POLR2E: variants seen among roughly 807,000 people sequenced by gnomAD.
POLR2E encodes RNA polymerase II, I and III subunit E, also known as DNA-directed RNA polymerases I, II, and III subunit RPABC1.
Under a neutral mutation model 29.8 loss-of-function variants are expected in POLR2E, and 35 were observed. The observed-to-expected ratio is 1.17, with a 90% confidence interval of 0.90 to 1.55. The LOEUF (loss-of-function observed/expected upper bound fraction) is 1.55. Ranked by LOEUF, POLR2E falls within the 40% of genes most tolerant of loss-of-function variation. The pLI is 0.00. For missense variants in POLR2E, 287 were observed against 288.6 expected (o/e 0.99, Z 0.04); for synonymous variants, 174 against 112.6 (o/e 1.55, Z -3.45).
At chr19:1,093,663 T>A in intron 2 of POLR2E, 1 of 1,163,218 alleles carries the variant, frequency 8.6e-7, no homozygotes, top group Middle Eastern at 3.1e-4. Flanking sequence ...CCCTTGTGAC[T>A]CTCCTCGTTG....
Position 1,091,878 on chromosome 19 carries a change from T to G in POLR2E, c.262A>C (p.Lys88Gln). Residue 88 changes from lysine (K) to glutamine (Q), a missense_variant, in exon 3 of 8, where the codon AAG becomes CAG. Transcript: ENST00000615234. ...TCCTGCATGCGCTGGCAGTACACCT[T>G]GATGGTCTTGATGCCCACCTTGGGC... ...EEPKVGIKTIKVYCQRMQEEN... is the reference protein window; with the variant it reads ...EEPKVGIKTIQVYCQRMQEEN... 1 of 1,612,594 alleles carries G rather than the reference T, an allele frequency of 6.2e-7. No individual in the cohort carries two copies. The highest frequency in any genetic ancestry group is 8.5e-7 in the Non-Finnish European group (1 of 1,179,362).
chr19:1,087,489 G>C lies in POLR2E; in HGVS notation c.*1246C>G, dbSNP rs1361382743. The C allele has an allele frequency of 1.3e-5, 2 of 151,994 alleles. No individual in the cohort carries two copies. Among genetic ancestry groups the C allele is most frequent in the African/African-American group, 4.8e-5 (2 of 41,246 alleles). 9.4% of individuals were successfully genotyped at this position (151,994 alleles called of 1,614,324 possible). ...TTTCTCATCTTCCCAAACTAAAACT[G>C]TGCACATGACACACTCTGTCCCCTC... On this transcript the variant is annotated 3_prime_UTR_variant, in exon 8 of 8. Coordinates refer to ENST00000615234, the MANE Select transcript of POLR2E (RefSeq NM_002695.5).
In POLR2E at chr19:1,090,994, A is replaced by G. The variant is rs1241299508; in HGVS notation, c.349-6T>C. 2.5e-6 allele frequency: 4 copies of G among 1,613,424 alleles called. No individual in the cohort carries two copies. The highest frequency in any genetic ancestry group is 3.4e-6 in the Non-Finnish European group (4 of 1,179,856). The stretch of plus-strand genomic sequence containing the variant: ...GGGGCCATGTCGACCAGGGACTGGA[A>G]GAGAGCGGCTCTAAGGCACGGCCCG... On this transcript the variant is annotated splice_polypyrimidine_tract_variant and splice_region_variant and intron_variant, in intron 3 of 7. Coordinates refer to ENST00000615234, the MANE Select transcript of POLR2E (RefSeq NM_002695.5).
chr19:1,094,171 G>A, intron 1 of POLR2E, 93 bp from the exon 2 acceptor site: 1 of 1,207,502 alleles, frequency 8.3e-7, no homozygotes, highest in South Asian at 1.5e-5. Context: ...CTGCTGCAGA[G>A]GACAGAGGTG....
chr19:1,087,009 G>GAGAC lies in POLR2E; in HGVS notation c.*1722_*1725dup, dbSNP rs1646609425. 7.3e-6 allele frequency: 1 copy of GAGAC among 137,414 alleles called. No homozygotes were observed. The highest frequency in any genetic ancestry group is 2.7e-5 in the African/African-American group (1 of 37,576). 8.5% of individuals were successfully genotyped at this position (137,414 alleles called of 1,614,324 possible). Reference sequence around the variant, plus strand: ...TGGAACTGCATTTTTTTTTTTTTTTGAGACAGGGTGTGACCCTGTGGCCCA... The same window carrying GAGAC: ...TGGAACTGCATTTTTTTTTTTTTTTGAGACAGACAGGGTGTGACCCTGTGGCCCA... On this transcript the variant is annotated 3_prime_UTR_variant, in exon 8 of 8. Coordinates refer to ENST00000615234, the MANE Select transcript of POLR2E (RefSeq NM_002695.5).
At position 1,089,495 on chromosome 19, in the gene POLR2E, C is replaced by T. The variant is rs1425655330; in HGVS notation, c.624G>A (p.Leu208=). Residue 208 remains leucine, a synonymous_variant, in exon 7 of 8, where the codon CTG becomes CTA. Coordinates refer to ENST00000615234, the MANE Select transcript of POLR2E (RefSeq NM_002695.5). The part of the protein sequence containing the change: ...ETAGRYITYR[L]VQ ...ACCTGTCAGGCGGTAGCTACTGCACCAGCCGGTAGGTGATGTACCTGCCAG... is the reference window on the plus strand; with the variant it reads ...ACCTGTCAGGCGGTAGCTACTGCACTAGCCGGTAGGTGATGTACCTGCCAG... 2 of 1,613,354 alleles carry T rather than the reference C, an allele frequency of 1.2e-6. No homozygotes were observed. The highest frequency in any genetic ancestry group is 1.3e-5 in the African/African-American group (1 of 74,912).
rs771482454 is a variant in POLR2E at position 1,088,041 on chromosome 19, G to T, written c.*694C>A. ...CCAGGAGCACGAAGTGGGAGGGCAGGGCGAGGGCCTGGGGAGACACTGACC... is the reference window on the plus strand; with the variant it reads ...CCAGGAGCACGAAGTGGGAGGGCAGTGCGAGGGCCTGGGGAGACACTGACC... On this transcript the variant is annotated 3_prime_UTR_variant, in exon 8 of 8. Transcript: ENST00000615234. 1 of 151,626 alleles carries T rather than the reference G, an allele frequency of 6.6e-6. No individual in the cohort carries two copies. The highest frequency in any genetic ancestry group is 1.9e-4 in the East Asian group (1 of 5,308). 9.4% of individuals were successfully genotyped at this position (151,626 alleles called of 1,614,324 possible). A position where few individuals can be genotyped will look rare whatever the true frequency, so the allele number is the denominator to read the frequency against.
In POLR2E at chr19:1,087,914, A is replaced by C. The variant is rs1391860421; in HGVS notation, c.*821T>G. The stretch of plus-strand genomic sequence containing the variant: ...AACGGGGAAGTAGAGCCAGATCCCA[A>C]ACGTCTGTAAGAGGAACTGGCCGCA... On this transcript the variant is annotated 3_prime_UTR_variant, in exon 8 of 8. Coordinates refer to ENST00000615234, the MANE Select transcript of POLR2E (RefSeq NM_002695.5). 1 of 152,322 alleles carries C rather than the reference A, an allele frequency of 6.6e-6. No homozygotes were observed. Among genetic ancestry groups the C allele is most frequent in the Non-Finnish European group, 1.5e-5 (1 of 68,046 alleles). The allele number at this position is 152,322 out of a possible 1,614,324, so 9.4% of individuals were successfully genotyped here. A position where few individuals can be genotyped will look rare whatever the true frequency, so the allele number is the denominator to read the frequency against.
rs1599784394 is a variant in POLR2E, at chr19:1,086,767, GA to G, written c.*1967del. The G allele has an allele frequency of 2.0e-5, 3 of 151,866 alleles. No individual in the cohort carries two copies. The highest frequency in any genetic ancestry group is 4.1e-4 in the South Asian group (2 of 4,838). 9.4% of individuals were successfully genotyped at this position (151,866 alleles called of 1,614,324 possible). A position where few individuals can be genotyped will look rare whatever the true frequency, so the allele number is the denominator to read the frequency against. ...CTAGGGGAGGGATGTGTGAGGAAGGGAACCCCCCGCCACGGGGCCCCGCGAG... is the reference window on the plus strand; with the variant it reads ...CTAGGGGAGGGATGTGTGAGGAAGGGACCCCCCGCCACGGGGCCCCGCGAG... On this transcript the variant is annotated 3_prime_UTR_variant, in exon 8 of 8. Coordinates refer to ENST00000615234, the MANE Select transcript of POLR2E (RefSeq NM_002695.5).
chr19:1,094,299 C>A, intron 1 of POLR2E: 1 of 510,982 alleles, frequency 2.0e-6, no homozygotes, highest in Non-Finnish European at 3.4e-6. Context: ...GATGTCCAGC[C>A]TTGACCAAGA....
Position 1,092,851 on chromosome 19 carries a change from C to T in POLR2E, c.233-944G>A, listed in dbSNP as rs969905694. On this transcript the variant is annotated intron_variant, in intron 2 of 7. Coordinates refer to ENST00000615234, the MANE Select transcript of POLR2E (RefSeq NM_002695.5). ...AGCTGAGATTGCGCCACTGCACACT[C>T]CAGCCTGGGTGACAGAGGGAGACTC... 3.5e-5 allele frequency among the ~76,000 whole-genome samples: 5 copies of T among 143,652 alleles called. No individual in the cohort carries two copies. The Admixed American group carries it at 3.5e-4, about 10-fold the overall frequency. 94.2% of individuals were successfully genotyped at this position (143,652 alleles called of 152,430 possible).
At chr19:1,092,786 T>G (rs1599795763) in intron 2 of POLR2E, among the ~76,000 whole-genome samples, 1 of 137,768 alleles carries the variant, frequency 7.3e-6, no homozygotes, top group Non-Finnish European at 1.5e-5. Flanking sequence ...GAGGCTGAGG[T>G]GGAAGGATTG....
chr19:1,090,061 G>A (rs374961124), intron 5 of POLR2E, 26 bp downstream of exon 5: 40 of 1,606,682 alleles, frequency 2.5e-5, no homozygotes, highest in South Asian at 5.5e-5. Flanking sequence ...AGGGAGGGGC[G>A]GGGCCGGTGG....
In POLR2E at chr19:1,087,025, C is replaced by G. The variant is rs1291207531; in HGVS notation, c.*1710G>C. 6.6e-6 allele frequency: 1 copy of G among 151,320 alleles called. No individual in the cohort carries two copies. Among genetic ancestry groups the G allele is most frequent in the African/African-American group, 2.4e-5 (1 of 41,106 alleles). 9.4% of individuals were successfully genotyped at this position (151,320 alleles called of 1,614,324 possible). ...TTTTTTTTTGAGACAGGGTGTGACC[C>G]TGTGGCCCAGGCTGGAGTACAGGAG... On this transcript the variant is annotated 3_prime_UTR_variant, in exon 8 of 8. Transcript: ENST00000615234.
At chr19:1,091,527 C>A in intron 3 of POLR2E, 1 of 512,562 alleles carries the variant, frequency 2.0e-6, no homozygotes, top group Non-Finnish European at 3.6e-6. Flanking sequence ...GGGCTGGAGC[C>A]CACAGGAGCT....
intron 2 of POLR2E, among the ~76,000 whole-genome samples, 167 bp from the exon 3 acceptor site, chr19:1,092,074 G>C (rs898977922): frequency 6.6e-6 from 1 of 152,168 alleles, no homozygotes; most frequent in Non-Finnish European, 1.5e-5. Flanking sequence ...AGGATCCCAG[G>C]ACAGGGGAAG....
At chr19:1,089,420 C>T (rs55994602) in intron 7 of POLR2E, 52 bp downstream of exon 7, 44,197 of 1,233,424 alleles carry the variant, frequency 0.036, 1,359 homozygotes, top group East Asian at 0.16. Flanking sequence ...ACGGAGGGGA[C>T]GACACCCCTG....
chr19:1,089,446 C>G, intron 7 of POLR2E, 26 bp downstream of exon 7: 1 of 1,519,798 alleles, frequency 6.6e-7, no homozygotes, highest in Non-Finnish European at 9.1e-7. Flanking sequence ...GACCCCACCT[C>G]AGTGCCTGTC....
rs747622772 is a variant in POLR2E at position 1,094,067 on chromosome 19, G to C, written c.69C>G (p.Asp23Glu). 6.2e-7 allele frequency: 1 copy of C among 1,611,314 alleles called. No homozygotes were observed. Among genetic ancestry groups the C allele is most frequent in the East Asian group, 2.2e-5 (1 of 44,830 alleles). Residue 23 changes from aspartate to glutamate, a missense_variant, in exon 2 of 8, where the codon GAC becomes GAG. Coordinates refer to ENST00000615234, the MANE Select transcript of POLR2E (RefSeq NM_002695.5). ...CGTCCTGGGTCACCAGATAGCCACG[G>C]TCGTGGCACAGCTGCAGAGAGAAAG... ...IRKTIMQLCH[D>E]RGYLVTQDEL...
Sources: allele counts gnomAD v4.1 joint callset (sites outside exome capture counted in the v4.1 genomes callset), GRCh38; gene constraint gnomAD v4.1.1; transcripts MANE v1.5; gene names NCBI Gene and HGNC (gene_info 2026-07-23, HGNC 2026-07-21).